KIF16B: variants seen among roughly 807,000 people sequenced by gnomAD.
KIF16B encodes kinesin-like protein KIF16B.
A neutral mutation model predicts 156.3 loss-of-function variants in KIF16B; 98 were observed. That is an observed-to-expected ratio of 0.63 (90% CI 0.53 to 0.74). The LOEUF (loss-of-function observed/expected upper bound fraction) is 0.74. KIF16B is among the 30% of genes least tolerant of loss of function. The pLI is 0.00. For missense variants in KIF16B, 1,421 were observed against 1,606.5 expected, an observed-to-expected ratio of 0.88 and a Z score of 1.97; for synonymous variants, 564 against 583.7, an observed-to-expected ratio of 0.97 and a Z score of 0.49.
chr20:16,279,521 A>G (rs574043825), intron 25 of KIF16B, among the ~76,000 whole-genome samples: 15 of 152,332 alleles, frequency 9.8e-5, no homozygotes. Context: ...CAGCGCTGGC[A>G]GGGGGCAGAC....
rs144561129 is a variant in KIF16B, at chr20:16,451,311, C to T, written c.1303-21329G>A. Among the ~76,000 whole-genome samples the T allele has an allele frequency of 2.8e-3, 425 of 151,782 alleles. 1 individual carries two copies. Among genetic ancestry groups the T allele is most frequent in the African/African-American group, 9.9e-3 (408 of 41,234 alleles). Reference sequence around the variant, plus strand: ...ACTTGGGAGACATAAAAACACATTTCATAGAATAATGAGAGACAGAAAAAA... The same window carrying T: ...ACTTGGGAGACATAAAAACACATTTTATAGAATAATGAGAGACAGAAAAAA... On this transcript the variant is annotated intron_variant, in intron 12 of 25. Coordinates refer to ENST00000354981, the MANE Select transcript of KIF16B (RefSeq NM_024704.5).
At chr20:16,485,174 C>G (rs1257065172) in intron 12 of KIF16B, among the ~76,000 whole-genome samples, 1 of 152,186 alleles carries the variant, frequency 6.6e-6, no homozygotes, top group Admixed American at 6.5e-5. Flanking sequence ...AAGACCAAAT[C>G]ATCCCCAGCT....
chr20:16,530,568 G>T (rs73901103), intron 1 of KIF16B, among the ~76,000 whole-genome samples: 1,615 of 152,324 alleles, frequency 0.011, 37 homozygotes, highest in African/African-American at 0.037. Context: ...ATGATGATGA[G>T]AGATGACTGG....
intron 11 of KIF16B, among the ~76,000 whole-genome samples, chr20:16,495,713 G>A (rs1030986637): frequency 6.6e-6 from 1 of 152,030 alleles, no homozygotes; most frequent in South Asian, 2.1e-4. Context: ...TTTTAGAGAT[G>A]GGGTCTCACA....
chr20:16,513,810 A>G (rs2069045047), intron 4 of KIF16B, among the ~76,000 whole-genome samples: 1 of 152,132 alleles, frequency 6.6e-6, no homozygotes, highest in Non-Finnish European at 1.5e-5. Context: ...GTTTCAGTCA[A>G]CCTTAAAAAG....
chr20:16,309,536 T>C (rs188738240), intron 25 of KIF16B, among the ~76,000 whole-genome samples: 2 of 152,316 alleles, frequency 1.3e-5, no homozygotes, highest in Admixed American at 1.3e-4. Flanking sequence ...CTTTTATAAC[T>C]TGAGAGTGCC....
intron 10 of KIF16B, among the ~76,000 whole-genome samples, chr20:16,501,085 C>A (rs181643727): frequency 6.6e-6 from 1 of 152,042 alleles, no homozygotes; most frequent in Non-Finnish European, 1.5e-5. Flanking sequence ...TTCAAATACT[C>A]AGCTTCATCA....
At chr20:16,544,747 C>T (rs891427249) in intron 1 of KIF16B, among the ~76,000 whole-genome samples, 8 of 151,716 alleles carry the variant, frequency 5.3e-5, no homozygotes, top group Non-Finnish European at 1.2e-4. Context: ...GGCTACTATA[C>T]ATTTGTCTTC....
chr20:16,337,281 C>A (rs534381135), intron 23 of KIF16B, among the ~76,000 whole-genome samples: 1 of 152,246 alleles, frequency 6.6e-6, no homozygotes, highest in South Asian at 2.1e-4. Flanking sequence ...GCAGGTAAAT[C>A]ATAGGGCCAT....
In KIF16B at chr20:16,320,235, T is replaced by A. The variant is rs1366745728; in HGVS notation, c.3712-7817A>T. On this transcript the variant is annotated intron_variant, in intron 24 of 25. Coordinates refer to ENST00000354981, the MANE Select transcript of KIF16B (RefSeq NM_024704.5). ...AAACCTAGCCTATATCTTAGCCAGA[T>A]AAACATAAAACCTCGCACTAAAAAT... Among the ~76,000 whole-genome samples, 5 of 152,140 alleles carry A rather than the reference T, an allele frequency of 3.3e-5. No homozygotes were observed. In the South Asian group the frequency reaches 1.0e-3, roughly 32 times the overall value.
intron 23 of KIF16B, among the ~76,000 whole-genome samples, chr20:16,347,583 C>T (rs952044215): frequency 9.9e-5 from 15 of 151,900 alleles, no homozygotes; most frequent in Non-Finnish European, 2.1e-4. Context: ...AATTTTTTTT[C>T]ACTTTTCAGT....
At chr20:16,516,520 G>C (rs984900134) in intron 3 of KIF16B, among the ~76,000 whole-genome samples, 15 of 152,130 alleles carry the variant, frequency 9.9e-5, no homozygotes, top group African/African-American at 3.6e-4. Flanking sequence ...GCATCTCCCT[G>C]CTTCAAAAAG....
chr20:16,326,244 G>A (rs566463359), intron 24 of KIF16B, among the ~76,000 whole-genome samples: 2 of 151,600 alleles, frequency 1.3e-5, no homozygotes, highest in South Asian at 4.2e-4. Flanking sequence ...TTTAGGCAAA[G>A]CCTTCATGAC....
chr20:16,321,894 T>G (rs752715563), intron 24 of KIF16B, among the ~76,000 whole-genome samples: 1 of 151,978 alleles, frequency 6.6e-6, no homozygotes, highest in African/African-American at 2.4e-5. Context: ...TGAGCTCTTA[T>G]GGGAAAACTG....
chr20:16,330,046 C>T (rs975232206), intron 24 of KIF16B, among the ~76,000 whole-genome samples: 2 of 152,104 alleles, frequency 1.3e-5, no homozygotes, highest in African/African-American at 4.8e-5. Flanking sequence ...ACTAAATTTT[C>T]CTTTGGTTTT....
rs35869892 is a variant in KIF16B, at chr20:16,327,068, T to TACACACACACAC, written c.3711+8846_3711+8857dup. ...ATATATGTATGTATATGTATACATG[T>TACACACACACAC]ACACACACACACACACACACACACA... is the stretch of plus-strand genomic sequence containing the variant. On this transcript the variant is annotated intron_variant, in intron 24 of 25. Coordinates refer to ENST00000354981, the MANE Select transcript of KIF16B (RefSeq NM_024704.5). Among the ~76,000 whole-genome samples, 13 of 143,050 alleles carry TACACACACACAC rather than the reference T, an allele frequency of 9.1e-5. 1 individual carries two copies. The highest frequency in any genetic ancestry group is 3.5e-4 in the Admixed American group (5 of 14,266). The allele number at this position is 143,050 out of a possible 152,430, so 93.8% of individuals were successfully genotyped here.
chr20:16,407,406 C>G (rs2065813480), intron 15 of KIF16B, among the ~76,000 whole-genome samples: 1 of 152,148 alleles, frequency 6.6e-6, no homozygotes, highest in Non-Finnish European at 1.5e-5. Flanking sequence ...CATGCACTGA[C>G]AGTCAACCAT....
chr20:16,303,852 G>A (rs758323210), intron 25 of KIF16B, among the ~76,000 whole-genome samples: 7 of 152,322 alleles, frequency 4.6e-5, no homozygotes, highest in East Asian at 3.9e-4. Context: ...GCTTCTACTC[G>A]GTGGGCAGGG....
At chr20:16,299,428 G>C (rs1350817731) in intron 25 of KIF16B, among the ~76,000 whole-genome samples, 2 of 152,148 alleles carry the variant, frequency 1.3e-5, no homozygotes, top group Non-Finnish European at 2.9e-5. Context: ...AATCCAATGA[G>C]GCTTGGAAAG....
Sources: allele counts gnomAD v4.1 joint callset (sites outside exome capture counted in the v4.1 genomes callset), GRCh38; gene constraint gnomAD v4.1.1; transcripts MANE v1.5; gene names NCBI Gene and HGNC (gene_info 2026-07-23, HGNC 2026-07-21).